SCUBE1: variants seen among roughly 807,000 people sequenced by gnomAD.
The protein encoded by SCUBE1 is signal peptide, CUB and EGF-like domain-containing protein 1.
A neutral mutation model predicts 124.4 loss-of-function variants in SCUBE1; 59 were observed. The ratio of observed to expected loss-of-function variants is 0.47; its 90% CI spans 0.38 to 0.59. The LOEUF is 0.59. Among genes scored for constraint, SCUBE1 ranks in the 20% least tolerant of loss-of-function variants. The pLI, the probability that SCUBE1 is intolerant of heterozygous loss-of-function variation, is 0.00. For synonymous variants in SCUBE1, 545 were observed against 550.9 expected (o/e 0.99, Z 0.15); for missense variants, 1,150 against 1,371.2 (o/e 0.84, Z 2.55).
chr22:43,212,637 A>C (rs1459612081), intron 16 of SCUBE1, 45 bp from the exon 17 acceptor site: 1 of 1,506,100 alleles, frequency 6.6e-7, no homozygotes, highest in Non-Finnish European at 8.9e-7. Context: ...AGGGCACCGC[A>C]GGGCCGAGGC....
At chr22:43,293,537 T>C (rs1449283205) in intron 3 of SCUBE1, among the ~76,000 whole-genome samples, 2 of 152,238 alleles carry the variant, frequency 1.3e-5, no homozygotes, top group African/African-American at 2.4e-5. Flanking sequence ...CTTGAGCACG[T>C]GCACGTCAGC....
intron 2 of SCUBE1, among the ~76,000 whole-genome samples, chr22:43,331,245 G>T (rs1034284854): frequency 6.6e-6 from 1 of 152,138 alleles, no homozygotes; most frequent in Admixed American, 6.5e-5. Flanking sequence ...TTCAGGAAGT[G>T]ATTATTTACA....
At chr22:43,294,730 T>C (rs1925495196) in intron 3 of SCUBE1, among the ~76,000 whole-genome samples, 1 of 152,134 alleles carries the variant, frequency 6.6e-6, no homozygotes, top group Non-Finnish European at 1.5e-5. Flanking sequence ...GCCTGTGGTG[T>C]GTGCAGCCCT....
At chr22:43,273,331 G>C (rs1021994094) in intron 4 of SCUBE1, among the ~76,000 whole-genome samples, 2 of 152,146 alleles carry the variant, frequency 1.3e-5, no homozygotes, top group African/African-American at 4.8e-5. Flanking sequence ...CTGGCACCGG[G>C]AACCCCTAGA....
At chr22:43,290,989 T>A in intron 4 of SCUBE1, 57 bp downstream of exon 4, 1 of 1,503,704 alleles carries the variant, frequency 6.7e-7, no homozygotes, top group African/African-American at 1.4e-5. Flanking sequence ...AGAAGGGGAC[T>A]CTGGGGGCTG....
intron 21 of SCUBE1, among the ~76,000 whole-genome samples, chr22:43,206,952 CAGA>C (rs750479742): frequency 1.1e-4 from 17 of 152,206 alleles, no homozygotes; most frequent in Admixed American, 3.9e-4. Flanking sequence ...ATCCTTTTCT[CAGA>C]AGAAGTGACA....
chr22:43,303,108 G>A (rs184099080), intron 3 of SCUBE1, among the ~76,000 whole-genome samples: 1 of 152,206 alleles, frequency 6.6e-6, no homozygotes, highest in African/African-American at 2.4e-5. Flanking sequence ...TCCCAGCCTC[G>A]GTACCGTCGG....
intron 7 of SCUBE1, chr22:43,232,131 C>T (rs2146679609): frequency 2.0e-6 from 1 of 508,044 alleles, no homozygotes; most frequent in African/African-American, 1.9e-5. Flanking sequence ...CTTGGCAAGC[C>T]TGGGATGTGA....
chr22:43,222,569 C>T (rs1187539019), intron 12 of SCUBE1, 69 bp downstream of exon 12: 28 of 1,240,628 alleles, frequency 2.3e-5, no homozygotes, highest in Admixed American at 8.0e-5. Context: ...TTTCCTCCCC[C>T]GCCAGCATGT....
At chr22:43,220,362 C>A (rs140302427) in intron 14 of SCUBE1, 88 bp downstream of exon 14, 58 of 1,471,950 alleles carry the variant, frequency 3.9e-5, no homozygotes, top group Non-Finnish European at 5.0e-5. Flanking sequence ...GGGAGCCTAG[C>A]TTCATGCCTG....
At position 43,258,218 on chromosome 22, in the gene SCUBE1, C is replaced by T; in HGVS notation, c.727+1G>A. 6.2e-7 allele frequency: 1 copy of T among 1,608,426 alleles called. No homozygotes were observed. The highest frequency in any genetic ancestry group is 8.5e-7 in the Non-Finnish European group (1 of 1,175,248). On this transcript the variant is annotated splice_donor_variant, in intron 6 of 21. Coordinates refer to ENST00000360835, the MANE Select transcript of SCUBE1 (RefSeq NM_173050.5). LOFTEE classifies it high-confidence loss of function. The surrounding 1 kb of genome is among the most constrained non-coding windows in gnomAD (Gnocchi z 5.0). Reference sequence around the variant, plus strand: ...GGTGTGTGGCAGAGGTGCCTACTTACCGATGCACGTGCGACCGTCTGAGTG... The same window carrying T: ...GGTGTGTGGCAGAGGTGCCTACTTATCGATGCACGTGCGACCGTCTGAGTG...
chr22:43,260,633 T>TG (rs1461790613), intron 5 of SCUBE1, among the ~76,000 whole-genome samples: 6 of 152,262 alleles, frequency 3.9e-5, no homozygotes, highest in South Asian at 2.1e-4. Flanking sequence ...CAGCCAAAGC[T>TG]GGGCTCGCTG....
intron 1 of SCUBE1, among the ~76,000 whole-genome samples, chr22:43,340,806 A>ACT: frequency 6.6e-6 from 1 of 152,152 alleles, no homozygotes; most frequent in Non-Finnish European, 1.5e-5. Flanking sequence ...AGTGCAAGGA[A>ACT]CTCTCAGCAG....
At chr22:43,268,954 T>A (rs1924183145) in intron 4 of SCUBE1, among the ~76,000 whole-genome samples, 1 of 152,130 alleles carries the variant, frequency 6.6e-6, no homozygotes, top group African/African-American at 2.4e-5. Context: ...CGGCAGTGGT[T>A]ATGGGGATTG....
At chr22:43,216,949 C>T (rs1428136108) in intron 15 of SCUBE1, among the ~76,000 whole-genome samples, 2 of 136,942 alleles carry the variant, frequency 1.5e-5, no homozygotes, top group Admixed American at 1.5e-4. Flanking sequence ...CAACAGCTTC[C>T]CCCAACACTG....
intron 6 of SCUBE1, among the ~76,000 whole-genome samples, chr22:43,247,917 G>A (rs1051534571): frequency 3.3e-5 from 5 of 152,238 alleles, no homozygotes; most frequent in Admixed American, 6.5e-5. Context: ...GGTCAGGACT[G>A]GATTAGCAAA....
intron 2 of SCUBE1, among the ~76,000 whole-genome samples, chr22:43,329,025 C>T (rs950402676): frequency 1.0e-4 from 15 of 149,748 alleles, no homozygotes; most frequent in Admixed American, 6.6e-5. Context: ...CTAGAGAAGA[C>T]GGCATCTCTG....
chr22:43,310,032 C>G (rs1316929917), intron 3 of SCUBE1, among the ~76,000 whole-genome samples: 1 of 152,178 alleles, frequency 6.6e-6, no homozygotes, highest in Non-Finnish European at 1.5e-5. Flanking sequence ...ACATGTCAAT[C>G]CCTGGTGAAA....
chr22:43,338,254 G>C lies in SCUBE1; in HGVS notation c.220+850C>G, dbSNP rs188694654. ...GCTGCTCTTTTCTCTCTAACTTTTA[G>C]CCTGCTGGGGAGGCAGTTTTTAATA... On this transcript the variant is annotated intron_variant, in intron 2 of 21. Transcript: ENST00000360835. Among the ~76,000 whole-genome samples the C allele has an allele frequency of 3.3e-3, 503 of 152,288 alleles. 2 individuals carry two copies. The highest frequency in any genetic ancestry group is 4.8e-3 in the Non-Finnish European group (325 of 68,022).
Sources: allele counts gnomAD v4.1 joint callset (sites outside exome capture counted in the v4.1 genomes callset), GRCh38; gene constraint gnomAD v4.1.1; non-coding constraint Gnocchi (gnomAD v3.1); transcripts MANE v1.5; gene names NCBI Gene and HGNC (gene_info 2026-07-23, HGNC 2026-07-21).